Variants in TENM2 observed in about 807,000 individuals in gnomAD.
The protein encoded by TENM2 is teneurin-2.
TENM2 carries 52 observed loss-of-function variants against 245.2 expected under a neutral mutation model. The observed-to-expected ratio is 0.21, with a 90% CI of 0.17 to 0.27. TENM2 has a LOEUF of 0.27. TENM2 is among the 10% of genes least tolerant of loss of function. The pLI is 1.00. For synonymous variants in TENM2, 1,363 were observed against 1,438.9 expected (o/e 0.95, Z 1.19); for missense variants, 3,046 against 3,666.8 (o/e 0.83, Z 4.37).
At chr5:167,581,725 C>T (rs1489917087) in intron 2 of TENM2, among the ~76,000 whole-genome samples, 2 of 151,996 alleles carry the variant, frequency 1.3e-5, no homozygotes, top group Admixed American at 1.3e-4. Flanking sequence ...AGTACATTCC[C>T]GATAAAATAT....
At chr5:168,143,476 A>G (rs929507859) in intron 12 of TENM2, among the ~76,000 whole-genome samples, 2 of 152,136 alleles carry the variant, frequency 1.3e-5, no homozygotes, top group African/African-American at 2.4e-5. Flanking sequence ...GGGGGAAAAA[A>G]CCCTGCAATC....
chr5:167,431,475 TGA>T (rs1002959638), intron 2 of TENM2, among the ~76,000 whole-genome samples: 1 of 152,150 alleles, frequency 6.6e-6, no homozygotes, highest in Non-Finnish European at 1.5e-5. Context: ...ATTTTAAAAA[TGA>T]GAGTACTTCT....
intron 2 of TENM2, among the ~76,000 whole-genome samples, chr5:167,867,688 C>T (rs541062205): frequency 2.0e-5 from 3 of 152,188 alleles, no homozygotes; most frequent in African/African-American, 4.8e-5. Context: ...AGGCTGATAT[C>T]GTCTCATTGA....
intron 1 of TENM2, among the ~76,000 whole-genome samples, chr5:167,289,990 T>C (rs938439733): frequency 6.6e-6 from 1 of 152,212 alleles, no homozygotes. Flanking sequence ...AAGGCTGAAA[T>C]GTACCTTGAG....
At chr5:167,909,822 A>G (rs11951480) in intron 3 of TENM2, among the ~76,000 whole-genome samples, 83,917 of 151,968 alleles carry the variant, frequency 0.55, 26,069 homozygotes, top group African/African-American at 0.86. Context: ...CTCATGGATA[A>G]AACAGAGGAT....
At chr5:168,149,575 G>A in intron 12 of TENM2, 2 of 441,648 alleles carry the variant, frequency 4.5e-6, no homozygotes, top group Middle Eastern at 4.0e-4. Context: ...ACAAATTTGT[G>A]CCCTGCCCAA....
intron 2 of TENM2, among the ~76,000 whole-genome samples, chr5:167,785,832 T>C (rs1004970193): frequency 6.6e-5 from 10 of 152,232 alleles, no homozygotes; most frequent in African/African-American, 2.4e-4. Flanking sequence ...AAGTACCATG[T>C]AGGTTGGTGT....
intron 1 of TENM2, among the ~76,000 whole-genome samples, chr5:167,336,158 A>G (rs1236997481): frequency 1.4e-5 from 2 of 142,914 alleles, no homozygotes; most frequent in Admixed American, 7.1e-5. Flanking sequence ...GGCTCATCCA[A>G]TGTTCTTTTC....
chr5:167,282,332 A>G (rs780808890), upstream of TENM2, among the ~76,000 whole-genome samples: 1 of 152,168 alleles, frequency 6.6e-6, no homozygotes, highest in Non-Finnish European at 1.5e-5. Flanking sequence ...CCTTTATTGG[A>G]GCCTAGCTTA....
At chr5:167,683,245 A>G (rs1466715242) in intron 2 of TENM2, among the ~76,000 whole-genome samples, 1 of 124,086 alleles carries the variant, frequency 8.1e-6, no homozygotes, top group Non-Finnish European at 1.6e-5. Context: ...ATGAAGGACC[A>G]TGTCTTTTTT....
intron 5 of TENM2, among the ~76,000 whole-genome samples, chr5:168,002,050 G>A (rs1784449587): frequency 1.3e-5 from 2 of 152,172 alleles, no homozygotes; most frequent in African/African-American, 4.8e-5. Flanking sequence ...TCCCTTCTGG[G>A]AAAGAGAAAA....
chr5:168,238,672 C>T (rs924260540), intron 25 of TENM2, among the ~76,000 whole-genome samples: 5 of 152,196 alleles, frequency 3.3e-5, no homozygotes, highest in African/African-American at 4.8e-5. Context: ...GTTTTGAAGA[C>T]AGCGTTTCCT....
chr5:167,585,166 C>G (rs1416628189), intron 2 of TENM2, among the ~76,000 whole-genome samples: 1 of 152,162 alleles, frequency 6.6e-6, no homozygotes, highest in African/African-American at 2.4e-5. Flanking sequence ...TCTTCTCTCT[C>G]TATTTTCCAC....
At chr5:168,170,672 G>A (rs1758730063) in intron 13 of TENM2, among the ~76,000 whole-genome samples, 1 of 152,154 alleles carries the variant, frequency 6.6e-6, no homozygotes, top group Non-Finnish European at 1.5e-5. Flanking sequence ...CTCTGCACCT[G>A]GGTTACGGGA....
chr5:167,857,938 T>C, intron 2 of TENM2, among the ~76,000 whole-genome samples: 1 of 152,232 alleles, frequency 6.6e-6, no homozygotes, highest in East Asian at 1.9e-4. Flanking sequence ...CTGCATTCTC[T>C]TTCTGAATTA....
At chr5:167,664,929 A>G (rs943405037) in intron 2 of TENM2, among the ~76,000 whole-genome samples, 3 of 152,190 alleles carry the variant, frequency 2.0e-5, no homozygotes, top group Non-Finnish European at 2.9e-5. Flanking sequence ...GCACTGCTTT[A>G]CAAGGAATTG....
intron 2 of TENM2, among the ~76,000 whole-genome samples, chr5:167,506,281 A>G (rs1382539321): frequency 6.6e-6 from 1 of 152,218 alleles, no homozygotes; most frequent in East Asian, 1.9e-4. Flanking sequence ...TACGGTCAGA[A>G]CAATGAGAAA....
At chr5:168,084,058 G>A (rs1008188578) in intron 7 of TENM2, among the ~76,000 whole-genome samples, 11 of 152,220 alleles carry the variant, frequency 7.2e-5, no homozygotes, top group African/African-American at 2.6e-4. Context: ...TTAGAATGAT[G>A]GCCTCCAGCT....
chr5:167,153,861 A>T, the TENM2 span, among the ~76,000 whole-genome samples: 3 of 152,228 alleles, frequency 2.0e-5, no homozygotes, highest in South Asian at 6.2e-4. Flanking sequence ...CAGATAGGTC[A>T]GAAACTCATT....
Sources: allele counts gnomAD v4.1 joint callset (sites outside exome capture counted in the v4.1 genomes callset), GRCh38; gene constraint gnomAD v4.1.1; transcripts MANE v1.5; gene names NCBI Gene and HGNC (gene_info 2026-07-23, HGNC 2026-07-21).